The following ABCC11 variants were observed in gnomAD, a reference collection of about 807,000 sequenced individuals.
ABCC11 encodes the protein ATP binding cassette subfamily C member 11.
In ABCC11, 135 loss-of-function variants were observed where a neutral mutation model predicts 149.3. That is an observed-to-expected ratio of 0.90 (90% confidence interval 0.79 to 1.04). ABCC11 has a LOEUF of 1.04. Among genes scored for constraint, ABCC11 ranks in the 50% least tolerant of loss-of-function variants. The pLI is 0.00. For missense variants in ABCC11, 1,680 were observed against 1,722.1 expected (o/e 0.98, Z 0.43); for synonymous variants, 665 against 671.4 (o/e 0.99, Z 0.15).
chr16:48,239,301 G>A (rs1021692893), intron 1 of ABCC11, among the ~76,000 whole-genome samples: 7 of 152,094 alleles, frequency 4.6e-5, no homozygotes, highest in Admixed American at 1.3e-4. Context: ...GGTGGCTCAC[G>A]CCTGTAATCC....
rs762201758 is a variant in ABCC11 at position 48,210,945 on chromosome 16, T to A, written c.1608+3A>T. On this transcript the variant is annotated splice_donor_region_variant and intron_variant, in intron 11 of 29. Transcript: ENST00000356608. ...CCTGCCTGCGTGGCCTGAACAAGGC[T>A]ACCTTGGACACCACCAGGTTGATCT... The A allele has an allele frequency of 1.2e-6, 2 of 1,613,436 alleles. No individual in the cohort carries two copies. The highest frequency in any genetic ancestry group is 1.7e-6 in the Non-Finnish European group (2 of 1,179,496).
At chr16:48,173,731 T>C (rs1458204558) in intron 26 of ABCC11, among the ~76,000 whole-genome samples, 1 of 152,190 alleles carries the variant, frequency 6.6e-6, no homozygotes, top group Non-Finnish European at 1.5e-5. Flanking sequence ...CTCATGCGAT[T>C]CACGTGCCTC....
At chr16:48,222,873 C>A (rs1567280619) in intron 5 of ABCC11, 42 bp from the exon 6 acceptor site, 2 of 1,514,258 alleles carry the variant, frequency 1.3e-6, no homozygotes, top group Admixed American at 1.7e-5. Flanking sequence ...ACCACCCTGC[C>A]AGACACGTTT....
intron 12 of ABCC11, among the ~76,000 whole-genome samples, 191 bp downstream of exon 12, chr16:48,208,234 G>A (rs1968610391): frequency 6.6e-6 from 1 of 152,198 alleles, no homozygotes; most frequent in African/African-American, 2.4e-5. Flanking sequence ...GCCACAAGGT[G>A]AAGAGAGAGG....
intron 1 of ABCC11, among the ~76,000 whole-genome samples, chr16:48,233,192 C>T (rs1254586089): frequency 1.3e-5 from 2 of 152,142 alleles, no homozygotes; most frequent in Non-Finnish European, 2.9e-5. Context: ...CAGAGCAAGA[C>T]CCCATCTCAA....
intron 1 of ABCC11, among the ~76,000 whole-genome samples, chr16:48,243,784 G>C (rs1490212201): frequency 6.6e-6 from 1 of 152,194 alleles, no homozygotes; most frequent in Non-Finnish European, 1.5e-5. Context: ...TTGAGGTCAG[G>C]AGTTAAAGAC....
chr16:48,175,455 C>T (rs1296753857), intron 25 of ABCC11, 38 bp from the exon 26 acceptor site: 3 of 1,585,358 alleles, frequency 1.9e-6, no homozygotes, highest in Non-Finnish European at 1.7e-6. Flanking sequence ...CAGTTTCCTG[C>T]ATCTGCACTA....
intron 7 of ABCC11, 85 bp downstream of exon 7, chr16:48,216,029 T>A (rs1042016192): frequency 7.2e-7 from 1 of 1,391,200 alleles, no homozygotes; most frequent in African/African-American, 1.4e-5. Flanking sequence ...CAAGAATCAA[T>A]GTTCTCACTC....
intron 20 of ABCC11, among the ~76,000 whole-genome samples, chr16:48,188,679 T>G (rs1966845507): frequency 6.6e-6 from 1 of 152,204 alleles, no homozygotes; most frequent in Non-Finnish European, 1.5e-5. Flanking sequence ...CTCTGTAACT[T>G]ACTCATTACG....
chr16:48,175,641 T>C (rs534214226), intron 25 of ABCC11, among the ~76,000 whole-genome samples: 1 of 152,324 alleles, frequency 6.6e-6, no homozygotes, highest in African/African-American at 2.4e-5. Context: ...GTGGGGCCCC[T>C]GGATCAAAGC....
At position 48,203,463 on chromosome 16, in the gene ABCC11, C is replaced by T. The variant is rs373575490; in HGVS notation, c.1806-163G>A. 3.3e-5 allele frequency among the ~76,000 whole-genome samples: 5 copies of T among 152,294 alleles called. No individual in the cohort carries two copies. In the South Asian group the frequency reaches 1.0e-3, roughly 32 times the overall value. ...GCTTTTTTCATTTCCTTCCCTCTTT[C>T]ATTTCTTTTAAATTAATACACACTC... On this transcript the variant is annotated intron_variant, in intron 13 of 29. Transcript: ENST00000356608.
At position 48,178,418 on chromosome 16, in the gene ABCC11, T is replaced by G. The variant is rs113695938; in HGVS notation, c.3348+179A>C. Among the ~76,000 whole-genome samples, 13 of 152,278 alleles carry G rather than the reference T, an allele frequency of 8.5e-5. 3 individuals are homozygous for G. The highest frequency in any genetic ancestry group is 3.1e-4 in the African/African-American group (13 of 41,570). ...TGTGGTCAAAGTGAGCAGACAGGTA[T>G]GGAAGAGCTTCAGCGAGATGGTCAA... On this transcript the variant is annotated intron_variant, in intron 24 of 29. Coordinates refer to ENST00000356608, the MANE Select transcript of ABCC11 (RefSeq NM_001370497.1).
At chr16:48,205,015 A>T (rs547008928) in intron 13 of ABCC11, among the ~76,000 whole-genome samples, 5 of 152,316 alleles carry the variant, frequency 3.3e-5, no homozygotes, top group Non-Finnish European at 7.4e-5. Flanking sequence ...CATCGCTCCC[A>T]TTTGTTTTCC....
chr16:48,240,676 T>C (rs1425009825), intron 1 of ABCC11, among the ~76,000 whole-genome samples: 3 of 151,938 alleles, frequency 2.0e-5, no homozygotes, highest in Admixed American at 6.5e-5. Flanking sequence ...ACCCCAGAAC[T>C]TAAAATATTA....
chr16:48,196,447 A>G (rs531582487), intron 17 of ABCC11, 126 bp from the exon 18 acceptor site: 187 of 848,200 alleles, frequency 2.2e-4, no homozygotes, highest in Non-Finnish European at 3.1e-4. Context: ...ACCTATGTCT[A>G]AGGTTTTTCA....
chr16:48,234,478 T>A (rs1255357671), intron 1 of ABCC11, among the ~76,000 whole-genome samples: 1 of 152,186 alleles, frequency 6.6e-6, no homozygotes, highest in East Asian at 1.9e-4. Context: ...AGCCGACCAC[T>A]GTGGCATCCA....
chr16:48,219,762 C>T (rs773498325), intron 6 of ABCC11, among the ~76,000 whole-genome samples: 2 of 152,108 alleles, frequency 1.3e-5, no homozygotes, highest in Non-Finnish European at 1.5e-5. Context: ...AGGCAGGTCA[C>T]CTAAGGTCAG....
intron 1 of ABCC11, among the ~76,000 whole-genome samples, chr16:48,241,083 C>T (rs1189777770): frequency 6.6e-6 from 1 of 152,038 alleles, no homozygotes; most frequent in Non-Finnish European, 1.5e-5. Context: ...TACAGGCACG[C>T]ACCACCACAC....
intron 23 of ABCC11, among the ~76,000 whole-genome samples, chr16:48,181,312 A>T (rs1966417313): frequency 6.6e-6 from 1 of 152,168 alleles, no homozygotes; most frequent in South Asian, 2.1e-4. Flanking sequence ...CCTGTCTCTT[A>T]TTGGCTATGG....
Sources: gnomAD v4.1 joint callset for allele counts (sites outside exome capture counted in the v4.1 genomes callset) on GRCh38, gnomAD v4.1.1 for gene constraint, MANE v1.5 for transcripts, NCBI Gene and HGNC (gene_info 2026-07-23, HGNC 2026-07-21) for gene names.